The following CHID1 variants were observed in gnomAD, a reference collection of about 807,000 sequenced individuals.
The protein encoded by CHID1 is chitinase domain containing 1.
A neutral mutation model predicts 55.4 loss-of-function variants in CHID1; 44 were observed. That is an observed-to-expected ratio of 0.79 (90% confidence interval 0.62 to 1.02). The LOEUF is 1.02. CHID1 is among the 50% of genes least tolerant of loss of function. The pLI, the probability that CHID1 is intolerant of heterozygous loss-of-function variation, is 0.00. For missense variants in CHID1, 491 were observed against 515.3 expected (o/e 0.95, Z 0.46); for synonymous variants, 216 against 212.9 (o/e 1.01, Z -0.13).
chr11:886,594 C>T (rs957149523), intron 8 of CHID1, among the ~76,000 whole-genome samples: 2 of 152,196 alleles, frequency 1.3e-5, no homozygotes, highest in Admixed American at 6.5e-5. Flanking sequence ...GATGACGCGC[C>T]CCATGGTGGA....
intron 7 of CHID1, among the ~76,000 whole-genome samples, chr11:896,316 C>A (rs1180423566): frequency 2.1e-5 from 3 of 139,858 alleles, no homozygotes; most frequent in Admixed American, 7.0e-5. Flanking sequence ...TGTCTCAGTG[C>A]CCCCAGCCTC....
chr11:904,595 A>C (rs1404966424), intron 2 of CHID1, 111 bp downstream of exon 2: 1 of 1,294,014 alleles, frequency 7.7e-7, no homozygotes, highest in East Asian at 2.3e-5. Flanking sequence ...CTTTGTGAGG[A>C]GCCAAGCCCC....
intron 3 of CHID1, 87 bp downstream of exon 3, chr11:902,875 T>C: frequency 1.6e-6 from 2 of 1,288,696 alleles, no homozygotes; most frequent in African/African-American, 2.9e-5. Context: ...CCCCCATCAC[T>C]GACTGGCCAG....
intron 9 of CHID1, 110 bp downstream of exon 9, chr11:883,958 A>G: frequency 1.2e-6 from 1 of 858,742 alleles, no homozygotes. Flanking sequence ...CCTTGTGCAC[A>G]GAACCACAGG....
Position 903,234 on chromosome 11 carries a change from C to T in CHID1, c.112-123G>A, listed in dbSNP as rs772398889. The T allele has an allele frequency of 3.1e-4, 301 of 971,926 alleles. 1 individual carries two copies. The highest frequency in any genetic ancestry group is 4.3e-4 in the Non-Finnish European group (284 of 653,380). 60.2% of individuals were successfully genotyped at this position (971,926 alleles called of 1,614,324 possible). A position where few individuals can be genotyped will look rare whatever the true frequency, so the allele number is the denominator to read the frequency against. ...GAGTCTCTGGATCCACACAGTGCTG[C>T]TGACCCGGAGACCCTGTATGTTGAG... On this transcript the variant is annotated intron_variant, in intron 2 of 12. Coordinates refer to ENST00000323578, the MANE Select transcript of CHID1 (RefSeq NM_023947.4).
At chr11:908,436 C>A (rs906118731) in intron 1 of CHID1, 17 of 281,814 alleles carry the variant, frequency 6.0e-5, no homozygotes, top group Non-Finnish European at 8.6e-5. Context: ...CTTAGCCCCA[C>A]TATCTTTCTG....
rs536396769 is a variant in CHID1, at chr11:894,078, C to T, written c.609-559G>A. 2.2e-5 allele frequency among the ~76,000 whole-genome samples: 3 copies of T among 139,142 alleles called. No individual in the cohort carries two copies. In the South Asian group the frequency reaches 6.7e-4, roughly 31 times the overall value. 91.3% of individuals were successfully genotyped at this position (139,142 alleles called of 152,430 possible). A position where few individuals can be genotyped will look rare whatever the true frequency, so the allele number is the denominator to read the frequency against. ...TGGAGGTTGCAGTGAGCTGAGATCGCACCACTGCACTCCAGCCTGGGCTGA... is the reference window on the plus strand; with the variant it reads ...TGGAGGTTGCAGTGAGCTGAGATCGTACCACTGCACTCCAGCCTGGGCTGA... On this transcript the variant is annotated intron_variant, in intron 7 of 12. Coordinates refer to ENST00000323578, the MANE Select transcript of CHID1 (RefSeq NM_023947.4).
chr11:896,640 C>T (rs1188102388), intron 7 of CHID1, among the ~76,000 whole-genome samples: 1 of 140,672 alleles, frequency 7.1e-6, no homozygotes, highest in Non-Finnish European at 1.5e-5. Flanking sequence ...CCCCAGCCTC[C>T]ACCCCAGACA....
chr11:883,863 C>A (rs1850185375), intron 9 of CHID1, among the ~76,000 whole-genome samples: 2 of 152,246 alleles, frequency 1.3e-5, no homozygotes, highest in Non-Finnish European at 2.9e-5. Flanking sequence ...AGAGGCAGGG[C>A]CCCACCCACG....
At chr11:870,207 C>T in intron 11 of CHID1, 44 bp from the exon 12 acceptor site, 1 of 1,612,054 alleles carries the variant, frequency 6.2e-7, no homozygotes, top group Non-Finnish European at 8.5e-7. Flanking sequence ...CTGCTGGTTC[C>T]AGGCCTCCTC....
intron 10 of CHID1, among the ~76,000 whole-genome samples, chr11:872,291 A>G (rs1316880825): frequency 1.3e-5 from 2 of 152,154 alleles, no homozygotes; most frequent in Non-Finnish European, 2.9e-5. Context: ...CCAAGTAGCT[A>G]GGATCACAGC....
chr11:902,047 A>G, intron 4 of CHID1, 151 bp downstream of exon 4: 1 of 798,082 alleles, frequency 1.3e-6, no homozygotes, highest in South Asian at 1.7e-5. Flanking sequence ...ACACACTCAC[A>G]TTCACACTTA....
chr11:906,596 A>G (rs1242023584), intron 1 of CHID1, among the ~76,000 whole-genome samples: 1 of 152,176 alleles, frequency 6.6e-6, no homozygotes, highest in East Asian at 1.9e-4. Flanking sequence ...ACAGACAGGC[A>G]CTGCCATGCT....
chr11:885,869 T>C (rs1269265374), intron 8 of CHID1, among the ~76,000 whole-genome samples: 1 of 151,946 alleles, frequency 6.6e-6, no homozygotes, highest in African/African-American at 2.4e-5. Flanking sequence ...AAAGGAAAAA[T>C]GGGCCGGGCG....
chr11:904,971 C>T (rs1448535927), intron 1 of CHID1, 112 bp from the exon 2 acceptor site: 67 of 1,190,884 alleles, frequency 5.6e-5, no homozygotes, highest in Non-Finnish European at 7.7e-5. Flanking sequence ...CCTCATGGCA[C>T]TGGATGGACC....
intron 4 of CHID1, among the ~76,000 whole-genome samples, chr11:901,964 GA>G (rs1851841187): frequency 1.3e-5 from 2 of 151,836 alleles, no homozygotes; most frequent in African/African-American, 4.8e-5. Flanking sequence ...CTCACACTTA[GA>G]CATGTCCACA....
chr11:871,232 C>G (rs1343062226), intron 10 of CHID1, among the ~76,000 whole-genome samples: 1 of 152,142 alleles, frequency 6.6e-6, no homozygotes, highest in Non-Finnish European at 1.5e-5. Flanking sequence ...ACCTCGTGAT[C>G]TGTCCGCCTT....
chr11:907,130 G>A (rs1852286831), intron 1 of CHID1, among the ~76,000 whole-genome samples: 1 of 152,128 alleles, frequency 6.6e-6, no homozygotes, highest in Non-Finnish European at 1.5e-5. Flanking sequence ...TGGTCTTCCT[G>A]CACTAAACTT....
At chr11:888,402 G>A (rs1179695670) in intron 8 of CHID1, among the ~76,000 whole-genome samples, 1 of 152,216 alleles carries the variant, frequency 6.6e-6, no homozygotes, top group Admixed American at 6.5e-5. Context: ...CACTGCAAAA[G>A]GGCCACTGCC....
Sources: allele counts gnomAD v4.1 joint callset (sites outside exome capture counted in the v4.1 genomes callset), GRCh38; gene constraint gnomAD v4.1.1; transcripts MANE v1.5; gene names NCBI Gene and HGNC (gene_info 2026-07-23, HGNC 2026-07-21).